The following GPBP1 variants were observed in gnomAD, a reference collection of about 807,000 sequenced individuals.
The protein encoded by GPBP1 is GC-rich promoter binding protein 1, also known as vasculin.
In GPBP1, 13 loss-of-function variants were observed where a neutral mutation model predicts 56.5. The ratio of observed to expected loss-of-function variants is 0.23; its 90% CI spans 0.15 to 0.37. The LOEUF is 0.37. Among genes scored for constraint, GPBP1 ranks in the 10% least tolerant of loss-of-function variants. The pLI is 1.00. For missense variants in GPBP1, 477 were observed against 572.3 expected (o/e 0.83, Z 1.70); for synonymous variants, 204 against 188.9 (o/e 1.08, Z -0.66).
At chr5:57,254,313 C>T (rs1206492098) in intron 10 of GPBP1, among the ~76,000 whole-genome samples, 3 of 152,098 alleles carry the variant, frequency 2.0e-5, no homozygotes, top group Admixed American at 6.6e-5. Flanking sequence ...ACTTTATCTT[C>T]GTGGTTACTT....
chr5:57,230,493 A>G (rs1296677505), intron 3 of GPBP1, among the ~76,000 whole-genome samples: 1 of 152,218 alleles, frequency 6.6e-6, no homozygotes, highest in African/African-American at 2.4e-5. Flanking sequence ...GTAGAAGGAA[A>G]CTGAGCTGTA....
chr5:57,230,121 C>T (rs1000910129), intron 3 of GPBP1, among the ~76,000 whole-genome samples: 4 of 151,934 alleles, frequency 2.6e-5, no homozygotes, highest in East Asian at 2.0e-4. Flanking sequence ...TTAGTAGAGA[C>T]GGGGTTTCTC....
chr5:57,215,184 AG>A (rs1755650913), intron 3 of GPBP1, among the ~76,000 whole-genome samples: 1 of 152,232 alleles, frequency 6.6e-6, no homozygotes, highest in African/African-American at 2.4e-5. Flanking sequence ...CAGTTTGCAG[AG>A]TGCTTTGCTG....
At chr5:57,191,246 C>G (rs1167257599) in intron 2 of GPBP1, among the ~76,000 whole-genome samples, 1 of 152,020 alleles carries the variant, frequency 6.6e-6, no homozygotes, top group Non-Finnish European at 1.5e-5. Flanking sequence ...CCATCATGAC[C>G]AGCTAATTCA....
chr5:57,244,486 C>G (rs1411998130), intron 6 of GPBP1, among the ~76,000 whole-genome samples: 5 of 152,180 alleles, frequency 3.3e-5, no homozygotes, highest in Admixed American at 3.3e-4. Flanking sequence ...TGCTTTAACA[C>G]CTGGATTCCT....
At position 57,187,261 on chromosome 5, in the gene GPBP1, G is replaced by T. The variant is rs552177472; in HGVS notation, c.-58+10861G>T. 3.9e-5 allele frequency among the ~76,000 whole-genome samples: 6 copies of T among 152,182 alleles called. No homozygotes were observed. The East Asian group carries it at 7.7e-4, about 20-fold the overall frequency. On this transcript the variant is annotated intron_variant, in intron 2 of 11. Transcript: ENST00000506184. ...TCGTATGTCAATCTTCTTTTAAGTG[G>T]CTTGAAATGTTAGATATCTAATTCA...
In GPBP1 at chr5:57,250,120, T is replaced by C. The variant is rs557429892; in HGVS notation, c.972+544T>C. On this transcript the variant is annotated intron_variant, in intron 9 of 11. Transcript: ENST00000506184. ...CCTTCCTGGTAGCTGGGACTATATT[T>C]ATGTGCCACCACACCTGGCTAATTT... is the stretch of plus-strand genomic sequence containing the variant. 2.0e-5 allele frequency among the ~76,000 whole-genome samples: 3 copies of C among 148,222 alleles called. No homozygotes were observed. The South Asian group carries it at 6.5e-4, about 32-fold the overall frequency.
chr5:57,204,807 G>T (rs192236360), intron 2 of GPBP1, among the ~76,000 whole-genome samples: 146 of 152,264 alleles, frequency 9.6e-4, no homozygotes, highest in Middle Eastern at 3.4e-3. Context: ...CTGCAAAGCT[G>T]CAATTAATTT....
At chr5:57,240,031 T>TGGG (rs983348464) in intron 6 of GPBP1, among the ~76,000 whole-genome samples, 1 of 152,000 alleles carries the variant, frequency 6.6e-6, no homozygotes, top group Non-Finnish European at 1.5e-5. Flanking sequence ...GAGCACAGGA[T>TGGG]GGGGGTATCA....
At chr5:57,230,625 C>T (rs185872767) in intron 3 of GPBP1, 19 of 505,520 alleles carry the variant, frequency 3.8e-5, no homozygotes, top group Middle Eastern at 1.1e-3. Flanking sequence ...AAAAAGATGT[C>T]GAACTCTAAG....
chr5:57,179,383 C>G (rs140586372), intron 2 of GPBP1, among the ~76,000 whole-genome samples: 4 of 152,030 alleles, frequency 2.6e-5, no homozygotes, highest in Non-Finnish European at 5.9e-5. Context: ...GGGTCTCGCT[C>G]TCTCACCCAG....
chr5:57,183,595 A>G (rs570810839), intron 2 of GPBP1, among the ~76,000 whole-genome samples: 1 of 152,080 alleles, frequency 6.6e-6, no homozygotes, highest in East Asian at 1.9e-4. Flanking sequence ...GTGAGCTATG[A>G]TTGTATCACT....
At chr5:57,250,133 A>G (rs558678029) in intron 9 of GPBP1, among the ~76,000 whole-genome samples, 1 of 148,676 alleles carries the variant, frequency 6.7e-6, no homozygotes, top group South Asian at 2.2e-4. Flanking sequence ...GTGCCACCAC[A>G]CCTGGCTAAT....
intron 9 of GPBP1, 71 bp from the exon 10 acceptor site, chr5:57,250,883 A>G: frequency 9.6e-7 from 1 of 1,040,518 alleles, no homozygotes; most frequent in East Asian, 2.6e-5. Flanking sequence ...GTTAGGATCT[A>G]TTAAAAGTTT....
At chr5:57,220,091 A>T (rs906783859) in intron 3 of GPBP1, among the ~76,000 whole-genome samples, 1 of 151,856 alleles carries the variant, frequency 6.6e-6, no homozygotes, top group African/African-American at 2.4e-5. Context: ...ACAAAACATT[A>T]AAAAAAGCTT....
intron 3 of GPBP1, among the ~76,000 whole-genome samples, chr5:57,219,467 A>T (rs989129910): frequency 1.3e-5 from 2 of 151,368 alleles, no homozygotes; most frequent in African/African-American, 4.8e-5. Context: ...AATAATTAAA[A>T]TTTAAAAAAA....
intron 2 of GPBP1, among the ~76,000 whole-genome samples, chr5:57,182,456 T>TC (rs1470122492): frequency 6.6e-6 from 1 of 152,012 alleles, no homozygotes; most frequent in African/African-American, 2.4e-5. Context: ...CACTGCAACC[T>TC]CCAACTCCCG....
Position 57,263,608 on chromosome 5 carries a change from C to G in GPBP1, c.*856C>G, listed in dbSNP as rs1312613227. ...GAATATTGTTGTTTTCTGTAGTGTT[C>G]AAGGTATTGTTTCTAAACATAAACA... On this transcript the variant is annotated 3_prime_UTR_variant, in exon 12 of 12. Transcript: ENST00000506184. 6.6e-6 allele frequency: 1 copy of G among 152,108 alleles called. No homozygotes were observed. Among genetic ancestry groups the G allele is most frequent in the Admixed American group, 6.6e-5 (1 of 15,266 alleles). 9.4% of individuals were successfully genotyped at this position (152,108 alleles called of 1,614,324 possible). A position where few individuals can be genotyped will look rare whatever the true frequency, so the allele number is the denominator to read the frequency against.
intron 3 of GPBP1, among the ~76,000 whole-genome samples, chr5:57,220,094 A>G (rs943174015): frequency 2.6e-5 from 4 of 152,088 alleles, no homozygotes; most frequent in Non-Finnish European, 5.9e-5. Flanking sequence ...AAACATTAAA[A>G]AAAGCTTGTA....
Sources: allele counts gnomAD v4.1 joint callset (sites outside exome capture counted in the v4.1 genomes callset), GRCh38; gene constraint gnomAD v4.1.1; transcripts MANE v1.5; gene names NCBI Gene and HGNC (gene_info 2026-07-23, HGNC 2026-07-21).